PIAS2: variants seen among roughly 807,000 people sequenced by gnomAD.
The protein encoded by PIAS2 is protein inhibitor of activated STAT 2.
A neutral mutation model predicts 69.7 loss-of-function variants in PIAS2; 19 were observed. The ratio of observed to expected loss-of-function variants is 0.27; its 90% CI spans 0.19 to 0.40. The LOEUF is 0.40. Among genes scored for constraint, PIAS2 ranks in the 10% least tolerant of loss-of-function variants. The pLI is 1.00. For missense variants in PIAS2, 624 were observed against 757.0 expected (o/e 0.82, Z 2.06); for synonymous variants, 261 against 263.2 (o/e 0.99, Z 0.08).
Position 46,855,631 on chromosome 18 carries a change from AG to A in PIAS2, c.585-17del. The A allele has an allele frequency of 6.2e-7, 1 of 1,600,758 alleles. No homozygotes were observed. The highest frequency in any genetic ancestry group is 8.6e-7 in the Non-Finnish European group (1 of 1,167,904). ...CAAAAAATCCCTGTTGGAAAGAGAA[AG>A]AAAATGGGTTAAAAAAGTACAATGA... is the stretch of plus-strand genomic sequence containing the variant. On this transcript the variant is annotated splice_polypyrimidine_tract_variant and intron_variant, in intron 3 of 13. Coordinates refer to ENST00000585916, the MANE Select transcript of PIAS2 (RefSeq NM_004671.5).
At chr18:46,884,376 G>T (rs528465109) in intron 2 of PIAS2, among the ~76,000 whole-genome samples, 1 of 151,532 alleles carries the variant, frequency 6.6e-6, no homozygotes, top group Admixed American at 6.6e-5. Flanking sequence ...GCAGTGGCTC[G>T]ATCTAGGCTC....
chr18:46,817,963 G>A lies in PIAS2; in HGVS notation c.1649-2614C>T, dbSNP rs987383067. The A allele has an allele frequency of 1.2e-5, 12 of 984,648 alleles. No individual in the cohort carries two copies. The African/African-American group carries it at 2.1e-4, about 17-fold the overall frequency. The allele number at this position is 984,648 out of a possible 1,614,324, so 61.0% of individuals were successfully genotyped here. ...AATGCTGTTTCTTATTTCACCATAA[G>A]TTTCAACTGCAGCGTGTCATACTGA... On this transcript the variant is annotated intron_variant, in intron 12 of 13. Transcript: ENST00000585916.
At chr18:46,869,370 G>A (rs1345472131) in intron 2 of PIAS2, among the ~76,000 whole-genome samples, 3 of 150,758 alleles carry the variant, frequency 2.0e-5, no homozygotes, top group African/African-American at 7.3e-5. Flanking sequence ...ATATGAGGAG[G>A]GACTGAGCCT....
At chr18:46,889,126 A>T (rs1469201969) in intron 2 of PIAS2, among the ~76,000 whole-genome samples, 1 of 152,190 alleles carries the variant, frequency 6.6e-6, no homozygotes, top group Non-Finnish European at 1.5e-5. Context: ...AAAACTATAA[A>T]ATTCTTAAAG....
At chr18:46,817,993 T>C (rs2041743371) in intron 12 of PIAS2, 3 of 986,388 alleles carry the variant, frequency 3.0e-6, no homozygotes, top group South Asian at 4.7e-5. Flanking sequence ...TACTGATATA[T>C]TTTTATGCCC....
At chr18:46,869,264 G>A (rs909033225) in intron 2 of PIAS2, among the ~76,000 whole-genome samples, 5 of 152,212 alleles carry the variant, frequency 3.3e-5, no homozygotes, top group East Asian at 1.9e-4. Context: ...GTAGAGGGGG[G>A]TTAAGCCTCT....
rs1250546346 is a variant in PIAS2 at position 46,828,214 on chromosome 18, T to C, written c.1337-84A>G. The C allele has an allele frequency of 7.4e-6, 9 of 1,223,902 alleles. No individual in the cohort carries two copies. The African/African-American group carries it at 1.4e-4, about 19-fold the overall frequency. The allele number at this position is 1,223,902 out of a possible 1,614,324, so 75.8% of individuals were successfully genotyped here. The stretch of plus-strand genomic sequence containing the variant: ...GTGGTAGAGTCTAGTATATTCAGTA[T>C]AGTATGTTCCTGACAACATATAGCC... On this transcript the variant is annotated intron_variant, in intron 10 of 13. Coordinates refer to ENST00000585916, the MANE Select transcript of PIAS2 (RefSeq NM_004671.5).
chr18:46,852,860 A>C (rs2047174656), intron 5 of PIAS2: 1 of 152,420 alleles, frequency 6.6e-6, no homozygotes, highest in South Asian at 2.1e-4. Context: ...TCACTGGCAC[A>C]GTCACACGAT....
intron 13 of PIAS2, among the ~76,000 whole-genome samples, chr18:46,814,759 C>T (rs1468656931): frequency 1.3e-5 from 2 of 152,178 alleles, no homozygotes; most frequent in Non-Finnish European, 2.9e-5. Flanking sequence ...TCTGTGCAAT[C>T]CAGGCTCACT....
At chr18:46,875,541 A>G (rs968766128) in intron 2 of PIAS2, among the ~76,000 whole-genome samples, 1 of 152,178 alleles carries the variant, frequency 6.6e-6, no homozygotes, top group Non-Finnish European at 1.5e-5. Context: ...GAGTCGGTTG[A>G]AAACAATAAA....
chr18:46,823,494 T>G (rs1342290140), intron 11 of PIAS2, among the ~76,000 whole-genome samples: 3 of 152,146 alleles, frequency 2.0e-5, no homozygotes, highest in Non-Finnish European at 4.4e-5. Flanking sequence ...AGGAGTCAAG[T>G]GAATGTACCT....
Position 46,864,254 on chromosome 18 carries a change from A to G in PIAS2, c.500-6T>C. 1.3e-6 allele frequency: 2 copies of G among 1,550,328 alleles called. No individual in the cohort carries two copies. The highest frequency in any genetic ancestry group is 1.7e-6 in the Non-Finnish European group (2 of 1,144,972). ...TCGCTGAATACTGCTTTGAACTGGG[A>G]AGAAAAAAAAAAAGAAAGATAATAT... is the stretch of plus-strand genomic sequence containing the variant. On this transcript the variant is annotated splice_polypyrimidine_tract_variant and splice_region_variant and intron_variant, in intron 2 of 13. Coordinates refer to ENST00000585916, the MANE Select transcript of PIAS2 (RefSeq NM_004671.5).
At position 46,890,734 on chromosome 18, in the gene PIAS2, G is replaced by T. The variant is rs115095049; in HGVS notation, c.345C>A (p.Ser115=). 2.0e-5 allele frequency: 33 copies of T among 1,614,164 alleles called. No homozygotes were observed. In the East Asian group the frequency reaches 7.4e-4, roughly 36 times the overall value. The change falls in exon 2 of 14, where the codon TCC becomes TCA. Residue 115 remains serine, a synonymous_variant. Coordinates refer to ENST00000585916, the MANE Select transcript of PIAS2 (RefSeq NM_004671.5). The stretch of plus-strand genomic sequence containing the variant: ...GAAGCAGCACAGAACCAACAGGAGA[G>T]GATGGTGAGTGAGGTGTAACTGAAG... ...PSTSVTPHSP[S]SPVGSVLLQD...
At chr18:46,913,842 G>A (rs184495683) in intron 1 of PIAS2, among the ~76,000 whole-genome samples, 1 of 152,228 alleles carries the variant, frequency 6.6e-6, no homozygotes, top group East Asian at 1.9e-4. Context: ...TCCCTCTGTC[G>A]CTCAGGCTGG....
chr18:46,817,317 T>C, intron 12 of PIAS2: 1 of 983,700 alleles, frequency 1.0e-6, no homozygotes, highest in Non-Finnish European at 1.2e-6. Context: ...ATTTTCTAAA[T>C]GTTCAACTAT....
At chr18:46,882,813 A>T (rs1300761306) in intron 2 of PIAS2, among the ~76,000 whole-genome samples, 1 of 152,226 alleles carries the variant, frequency 6.6e-6, no homozygotes, top group Non-Finnish European at 1.5e-5. Flanking sequence ...TCTAGGGAAC[A>T]CTATTCACAG....
At chr18:46,866,427 T>A (rs1457299694) in intron 2 of PIAS2, among the ~76,000 whole-genome samples, 2 of 152,182 alleles carry the variant, frequency 1.3e-5, no homozygotes, top group East Asian at 3.9e-4. Context: ...TTCAATACCC[T>A]TCAAAAGCAG....
chr18:46,891,245 G>C (rs572352625), intron 1 of PIAS2, 191 bp from the exon 2 acceptor site: 1 of 683,530 alleles, frequency 1.5e-6, no homozygotes, highest in Non-Finnish European at 2.6e-6. Context: ...TTCAAGTTAC[G>C]GTGTTAATTA....
chr18:46,918,120 T>G (rs1302521586), upstream of PIAS2: 1 of 151,958 alleles, frequency 6.6e-6, no homozygotes, highest in Non-Finnish European at 1.5e-5. Context: ...AGAAGGGCCA[T>G]GCTAAAAAGT....
Sources: gnomAD v4.1 joint callset for allele counts (sites outside exome capture counted in the v4.1 genomes callset) on GRCh38, gnomAD v4.1.1 for gene constraint, MANE v1.5 for transcripts, NCBI Gene and HGNC (gene_info 2026-07-23, HGNC 2026-07-21) for gene names.